Variants in SBF1 observed in about 807,000 individuals in gnomAD.
The protein encoded by SBF1 is SET binding factor 1, also known as myotubularin-related protein 5.
Under a neutral mutation model 215.8 loss-of-function variants are expected in SBF1, and 65 were observed. That is an observed-to-expected ratio of 0.30 (90% CI 0.25 to 0.37). SBF1 has a LOEUF of 0.37. SBF1 is among the 10% of genes least tolerant of loss of function. The pLI is 1.00. For synonymous variants in SBF1, 1,410 were observed against 1,122.8 expected, an observed-to-expected ratio of 1.26 and a Z score of -5.11; for missense variants, 2,634 against 2,667.8, an observed-to-expected ratio of 0.99 and a Z score of 0.28.
In SBF1 at chr22:50,459,579, G is replaced by A. The variant is rs374190021; in HGVS notation, c.3579C>T (p.Pro1193=). The A allele has an allele frequency of 2.0e-4, 326 of 1,609,580 alleles. 1 individual carries two copies. The highest frequency in any genetic ancestry group is 1.9e-3 in the African/African-American group (145 of 74,924). Residue 1193 remains proline (P), a synonymous_variant, in exon 27 of 41, where the codon CCC becomes CCT. Transcript: ENST00000380817. ...VSRCYRQNRF[P]VVCWRSGRSK... The stretch of plus-strand genomic sequence containing the variant: ...ACCGCCCGCTGCGCCAGCAGACCAC[G>A]GGGAAGCGGTTCTGGCGGTAGCAGC...
intron 36 of SBF1, among the ~76,000 whole-genome samples, chr22:50,453,556 G>A (rs1464223327): frequency 6.6e-6 from 1 of 152,216 alleles, no homozygotes; most frequent in African/African-American, 2.4e-5. Flanking sequence ...GGGAGGCCGA[G>A]GCAGGTGGAT....
At position 50,474,889 on chromosome 22, in the gene SBF1, C is replaced by T; in HGVS notation, c.-49G>A. ...AGGGGCGCGGGCGGGCTCCGCGGCT[C>T]GGGGACTCGAGGACGGCGCGCTCAT... On this transcript the variant is annotated 5_prime_UTR_variant, in exon 1 of 41. Coordinates refer to ENST00000380817, the MANE Select transcript of SBF1 (RefSeq NM_002972.4). 7.7e-7 allele frequency: 1 copy of T among 1,301,662 alleles called. No homozygotes were observed. The allele number at this position is 1,301,662 out of a possible 1,614,324, so 80.6% of individuals were successfully genotyped here. A position where few individuals can be genotyped will look rare whatever the true frequency, so the allele number is the denominator to read the frequency against.
chr22:50,457,114 G>A lies in SBF1; in HGVS notation c.3827-3C>T. On this transcript the variant is annotated splice_polypyrimidine_tract_variant and splice_region_variant and intron_variant, in intron 28 of 40. Coordinates refer to ENST00000380817, the MANE Select transcript of SBF1 (RefSeq NM_002972.4). The stretch of plus-strand genomic sequence containing the variant: ...GACCCTGGCTCTGGGGCTGGGAACT[G>A]AGGGCACAGCAGAGAGAAGGCTCAG... 2 of 1,481,960 alleles carry A rather than the reference G, an allele frequency of 1.3e-6. No individual in the cohort carries two copies. Among genetic ancestry groups the A allele is most frequent in the South Asian group, 2.8e-5 (2 of 71,088 alleles). The allele number at this position is 1,481,960 out of a possible 1,614,324, so 91.8% of individuals were successfully genotyped here. A position where few individuals can be genotyped will look rare whatever the true frequency, so the allele number is the denominator to read the frequency against.
At chr22:50,463,493 G>A in intron 15 of SBF1, 61 bp from the exon 16 acceptor site, 1 of 1,474,538 alleles carries the variant, frequency 6.8e-7, no homozygotes, top group Admixed American at 2.3e-5. Flanking sequence ...CGGGGCCCTG[G>A]CAGGGAGGGC....
intron 36 of SBF1, among the ~76,000 whole-genome samples, chr22:50,449,365 C>T (rs1292063029): frequency 6.6e-6 from 1 of 152,010 alleles, no homozygotes; most frequent in Non-Finnish European, 1.5e-5. Context: ...GCCTGTAATC[C>T]CAGCACTTTG....
chr22:50,458,018 G>A (rs1250409211), intron 28 of SBF1, among the ~76,000 whole-genome samples: 1 of 152,346 alleles, frequency 6.6e-6, no homozygotes, highest in East Asian at 1.9e-4. Context: ...GGTCAGAGCT[G>A]GCCAGGCGCA....
At chr22:50,464,505 G>A in intron 14 of SBF1, 29 bp downstream of exon 14, 1 of 1,603,430 alleles carries the variant, frequency 6.2e-7, no homozygotes, top group Non-Finnish European at 8.5e-7. Context: ...CCACGCTCGG[G>A]GCCTGCCTTC....
At chr22:50,458,353 A>G (rs2067345842) in intron 28 of SBF1, among the ~76,000 whole-genome samples, 1 of 150,224 alleles carries the variant, frequency 6.7e-6, no homozygotes, top group Non-Finnish European at 1.5e-5. Context: ...AGCCACGACT[A>G]CAGCTGAGTG....
At position 50,462,357 on chromosome 22, in the gene SBF1, C is replaced by T. The variant is rs776661139; in HGVS notation, c.2244G>A (p.Lys748=). 1.2e-6 allele frequency: 2 copies of T among 1,614,176 alleles called. No individual in the cohort carries two copies. Among genetic ancestry groups the T allele is most frequent in the Non-Finnish European group, 8.5e-7 (1 of 1,180,032 alleles). Residue 748 remains lysine (K), a synonymous_variant, in exon 19 of 41, where the codon AAG becomes AAA. Coordinates refer to ENST00000380817, the MANE Select transcript of SBF1 (RefSeq NM_002972.4). ...CCTGGCTGAACACCGTGCTCTCCTC[C>T]TTCTGCACCAGCTCCTGCTGCTTCT... The part of the protein sequence containing the change: ...SREKQQELVQ[K]EESTVFSQAI...
intron 29 of SBF1, 32 bp from the exon 30 acceptor site, chr22:50,456,705 G>C (rs1268205470): frequency 1.4e-6 from 2 of 1,441,998 alleles, no homozygotes; most frequent in African/African-American, 2.9e-5. Context: ...AGCACCCAAA[G>C]GGGGCCAGGG....
chr22:50,455,900 AC>A (rs1207546714), intron 31 of SBF1: 6 of 550,646 alleles, frequency 1.1e-5, no homozygotes, highest in Admixed American at 6.6e-5. Flanking sequence ...GTCAGTACCC[AC>A]CCCCGAGAGA....
chr22:50,459,177 C>A, intron 28 of SBF1, 78 bp downstream of exon 28: 2 of 1,521,110 alleles, frequency 1.3e-6, no homozygotes, highest in Non-Finnish European at 1.8e-6. Context: ...TCCTCCCTGG[C>A]CTGCCTGCCA....
chr22:50,464,528 A>G lies in SBF1; in HGVS notation c.1636+6T>C. 1.2e-6 allele frequency: 2 copies of G among 1,606,536 alleles called. No individual in the cohort carries two copies. The highest frequency in any genetic ancestry group is 1.7e-6 in the Non-Finnish European group (2 of 1,175,608). On this transcript the variant is annotated splice_donor_region_variant and intron_variant, in intron 14 of 40. Transcript: ENST00000380817. ...GGGGCCTGCCTTCCCCTCCCTCATT[A>G]CGCACTCATGGGGGGCCCTGAGGGC...
intron 20 of SBF1, 34 bp downstream of exon 20, chr22:50,461,909 CCCAT>C (rs774334085): frequency 4.3e-6 from 7 of 1,613,930 alleles, no homozygotes; most frequent in Non-Finnish European, 3.4e-6. Flanking sequence ...CCCAGCCCCA[CCCAT>C]CCAAGGGGGA....
Position 50,446,851 on chromosome 22 carries a change from C to A in SBF1, c.*291G>T. 1 of 734,124 alleles carries A rather than the reference C, an allele frequency of 1.4e-6. No homozygotes were observed. The highest frequency in any genetic ancestry group is 1.4e-5 in the South Asian group (1 of 72,416). The allele number at this position is 734,124 out of a possible 1,614,324, so 45.5% of individuals were successfully genotyped here. On this transcript the variant is annotated 3_prime_UTR_variant, in exon 41 of 41. Transcript: ENST00000380817. ...TATAGACTCTGGTTCTAGAAACTCGCCTGCAGCCGCTGGCTGGACCAGCAC... is the reference window on the plus strand; with the variant it reads ...TATAGACTCTGGTTCTAGAAACTCGACTGCAGCCGCTGGCTGGACCAGCAC...
chr22:50,456,443 C>T (rs1364789550), intron 30 of SBF1, 48 bp from the exon 31 acceptor site: 3 of 1,575,610 alleles, frequency 1.9e-6, no homozygotes, highest in Non-Finnish European at 2.6e-6. Flanking sequence ...GGCCCCAAGC[C>T]CCCTGCCGAG....
intron 1 of SBF1, among the ~76,000 whole-genome samples, chr22:50,474,366 G>T (rs377264688): frequency 6.6e-6 from 1 of 152,210 alleles, no homozygotes; most frequent in Non-Finnish European, 1.5e-5. Flanking sequence ...CCGCGGGTCC[G>T]CGCCCCTGGA....
intron 25 of SBF1, 28 bp from the exon 26 acceptor site, chr22:50,460,187 C>G: frequency 6.2e-7 from 1 of 1,607,472 alleles, no homozygotes; most frequent in Non-Finnish European, 8.5e-7. Flanking sequence ...ACGTGGTCAT[C>G]ACGGGGCCAC....
At chr22:50,455,671 C>G in intron 31 of SBF1, 89 bp from the exon 32 acceptor site, 1 of 1,109,766 alleles carries the variant, frequency 9.0e-7, no homozygotes, top group Non-Finnish European at 1.3e-6. Context: ...TGTCCACAGG[C>G]AGCGGGGAGG....
Sources: gnomAD v4.1 joint callset for allele counts (sites outside exome capture counted in the v4.1 genomes callset) on GRCh38, gnomAD v4.1.1 for gene constraint, MANE v1.5 for transcripts, NCBI Gene and HGNC (gene_info 2026-07-23, HGNC 2026-07-21) for gene names.